LAMA2: variants seen among roughly 807,000 people sequenced by gnomAD.
LAMA2 encodes laminin subunit alpha 2.
In LAMA2, 269 loss-of-function variants were observed where a neutral mutation model predicts 364.8. The observed-to-expected ratio is 0.74, with a 90% confidence interval of 0.67 to 0.82. The LOEUF (loss-of-function observed/expected upper bound fraction) is 0.82, where lower values mean the gene tolerates loss of function less well. Among genes scored for constraint, LAMA2 ranks in the 40% least tolerant of loss-of-function variants. The pLI, the probability that LAMA2 is intolerant of heterozygous loss-of-function variation, is 0.00. For synonymous variants in LAMA2, 1,379 were observed against 1,370.6 expected, an observed-to-expected ratio of 1.01 and a Z score of -0.14; for missense variants, 3,807 against 3,873.2, an observed-to-expected ratio of 0.98 and a Z score of 0.45.
chr6:129,076,972 T>C (rs992354544), intron 3 of LAMA2, among the ~76,000 whole-genome samples: 6 of 152,188 alleles, frequency 3.9e-5, no homozygotes, highest in African/African-American at 1.4e-4. Flanking sequence ...CAGCACTGGG[T>C]CATTATGATT....
intron 1 of LAMA2, among the ~76,000 whole-genome samples, chr6:128,906,988 G>A (rs1207484493): frequency 0.029 from 3,113 of 105,742 alleles, no homozygotes; most frequent in East Asian, 0.054. Context: ...CTGTTCCATT[G>A]ATCTATATCT....
chr6:128,969,713 G>A (rs140843350), intron 1 of LAMA2, among the ~76,000 whole-genome samples: 36 of 152,150 alleles, frequency 2.4e-4, no homozygotes, highest in Non-Finnish European at 4.6e-4. Flanking sequence ...CTACAGGCAT[G>A]AGCCACCTGT....
intron 1 of LAMA2, among the ~76,000 whole-genome samples, chr6:128,950,202 C>T (rs764088905): frequency 3.3e-5 from 5 of 152,100 alleles, no homozygotes; most frequent in Non-Finnish European, 7.3e-5. Context: ...ATGATGTGAG[C>T]TTGTTCCATA....
At chr6:129,218,282 G>A (rs752517553) in intron 12 of LAMA2, among the ~76,000 whole-genome samples, 9 of 152,034 alleles carry the variant, frequency 5.9e-5, no homozygotes, top group African/African-American at 9.7e-5. Flanking sequence ...AGGAAGGAAC[G>A]CATTTTACTC....
chr6:129,137,142 G>A (rs962226137), intron 4 of LAMA2, among the ~76,000 whole-genome samples: 1 of 152,000 alleles, frequency 6.6e-6, no homozygotes, highest in Non-Finnish European at 1.5e-5. Context: ...AGAAGGTTGT[G>A]CACAGTTCTT....
At chr6:129,289,395 C>T (rs906855261) in intron 19 of LAMA2, among the ~76,000 whole-genome samples, 6 of 152,092 alleles carry the variant, frequency 3.9e-5, no homozygotes, top group Non-Finnish European at 8.8e-5. Flanking sequence ...TCTGTGGGGA[C>T]TAAAGGATTT....
At chr6:129,391,376 C>T in intron 35 of LAMA2, 115 bp from the exon 36 acceptor site, 1 of 887,128 alleles carries the variant, frequency 1.1e-6, no homozygotes, top group South Asian at 1.3e-5. Flanking sequence ...AGCAGGAACA[C>T]TCACGGCAAA....
intron 8 of LAMA2, among the ~76,000 whole-genome samples, chr6:129,161,929 C>G (rs1779463606): frequency 6.6e-6 from 1 of 152,022 alleles, no homozygotes; most frequent in South Asian, 2.1e-4. Context: ...GATTCCATGT[C>G]TTTGTTATTG....
At chr6:129,037,655 CATTTA>C (rs1412341878) in intron 1 of LAMA2, among the ~76,000 whole-genome samples, 1 of 150,758 alleles carries the variant, frequency 6.6e-6, no homozygotes, top group Non-Finnish European at 1.5e-5. Flanking sequence ...CCACAATATT[CATTTA>C]ATTTAATTTT....
intron 2 of LAMA2, among the ~76,000 whole-genome samples, chr6:129,054,947 T>TTGAG (rs1358770389): frequency 2.0e-5 from 3 of 150,252 alleles, no homozygotes; most frequent in Non-Finnish European, 3.0e-5. Flanking sequence ...CCAAAAGCTA[T>TTGAG]TCTGTCTTTC....
At chr6:129,261,502 G>A (rs1787129977) in intron 15 of LAMA2, among the ~76,000 whole-genome samples, 1 of 152,194 alleles carries the variant, frequency 6.6e-6, no homozygotes, top group Admixed American at 6.5e-5. Flanking sequence ...CAGAAAACTG[G>A]TGTGAAACTG....
chr6:129,325,423 C>A (rs988579801), intron 28 of LAMA2, among the ~76,000 whole-genome samples: 2 of 152,076 alleles, frequency 1.3e-5, no homozygotes, highest in East Asian at 1.9e-4. Context: ...TTCTCACAAA[C>A]TTTTGTCTCA....
chr6:129,445,708 G>T lies in LAMA2; in HGVS notation c.6316G>T (p.Ala2106Ser). The change falls in exon 45 of 65, where the codon GCT becomes TCT. Residue 2106 changes from alanine to serine, a missense_variant. This residue lies in a region of LAMA2 where 3,333 missense variants were observed against 3,345.7 expected (regional missense o/e 1.00). Coordinates refer to ENST00000421865, the MANE Select transcript of LAMA2 (RefSeq NM_000426.4). ...DATVKNLEQE[A>S]DRLIDKLKPI... The stretch of plus-strand genomic sequence containing the variant: ...CACTGTCAAAAATTTAGAACAGGAA[G>T]CTGACCGGCTAATAGATAAACTCAA... 6.2e-7 allele frequency: 1 copy of T among 1,613,916 alleles called. No homozygotes were observed. The highest frequency in any genetic ancestry group is 2.2e-5 in the East Asian group (1 of 44,846).
At position 129,280,157 on chromosome 6, in the gene LAMA2, T is replaced by C. The variant is rs775673075; in HGVS notation, c.2537+10T>C. On this transcript the variant is annotated intron_variant, in intron 18 of 64. Transcript: ENST00000421865. ...GACCACGCTGTGAGAGGTAAGAGTATACTACACTGTCTTGCAAAATGATTT... is the reference window on the plus strand; with the variant it reads ...GACCACGCTGTGAGAGGTAAGAGTACACTACACTGTCTTGCAAAATGATTT... 3.3e-6 allele frequency: 5 copies of C among 1,530,158 alleles called. No homozygotes were observed. Among genetic ancestry groups the C allele is most frequent in the Non-Finnish European group, 4.5e-6 (5 of 1,103,788 alleles). The allele number at this position is 1,530,158 out of a possible 1,614,324, so 94.8% of individuals were successfully genotyped here. A position where few individuals can be genotyped will look rare whatever the true frequency, so the allele number is the denominator to read the frequency against.
intron 4 of LAMA2, among the ~76,000 whole-genome samples, chr6:129,120,228 T>C (rs1326483591): frequency 6.6e-6 from 1 of 152,112 alleles, no homozygotes; most frequent in Non-Finnish European, 1.5e-5. Context: ...TATGCGTGAG[T>C]CATCAACACA....
At chr6:129,326,687 T>G (rs1430354300) in intron 28 of LAMA2, among the ~76,000 whole-genome samples, 1 of 144,936 alleles carries the variant, frequency 6.9e-6, no homozygotes, top group Non-Finnish European at 1.5e-5. Flanking sequence ...AACACAACAA[T>G]TTTATATATA....
chr6:129,154,857 A>T (rs1168636531), intron 8 of LAMA2, among the ~76,000 whole-genome samples, 174 bp downstream of exon 8: 4 of 152,356 alleles, frequency 2.6e-5, no homozygotes, highest in Admixed American at 2.6e-4. Flanking sequence ...AGGATGTAAG[A>T]TAAAACTTTT....
At position 129,233,078 on chromosome 6, in the gene LAMA2, A is replaced by G. The variant is rs116477346; in HGVS notation, c.1783-17034A>G. 4.8e-3 allele frequency among the ~76,000 whole-genome samples: 735 copies of G among 152,214 alleles called. 9 individuals carry two copies. The highest frequency in any genetic ancestry group is 0.017 in the African/African-American group (691 of 41,554). On this transcript the variant is annotated intron_variant, in intron 12 of 64. Coordinates refer to ENST00000421865, the MANE Select transcript of LAMA2 (RefSeq NM_000426.4). Reference sequence around the variant, plus strand: ...AACAAGGAGATAGATTCTCCTCTAGAGCCACCAGAAAGGAATGTATCCATG... The same window carrying G: ...AACAAGGAGATAGATTCTCCTCTAGGGCCACCAGAAAGGAATGTATCCATG...
chr6:129,257,405 G>GGAAT (rs764265731), intron 14 of LAMA2, among the ~76,000 whole-genome samples: 1 of 152,038 alleles, frequency 6.6e-6, no homozygotes, highest in Admixed American at 6.6e-5. Flanking sequence ...ATTAAGGAGA[G>GGAAT]GAATGTCTGT....
Sources: allele counts gnomAD v4.1 joint callset (sites outside exome capture counted in the v4.1 genomes callset), GRCh38; gene constraint gnomAD v4.1.1; regional missense constraint gnomAD v4.1.1; transcripts MANE v1.5; gene names NCBI Gene and HGNC (gene_info 2026-07-23, HGNC 2026-07-21).